AOPEP: variants seen among roughly 807,000 people sequenced by gnomAD.
The protein encoded by AOPEP is aminopeptidase O.
AOPEP carries 77 observed loss-of-function variants against 98.1 expected under a neutral mutation model. The observed-to-expected ratio is 0.78, with a 90% CI of 0.65 to 0.95. The LOEUF (loss-of-function observed/expected upper bound fraction) is 0.95, where lower values mean the gene tolerates loss of function less well. AOPEP is among the 40% of genes least tolerant of loss of function. The probability of loss-of-function intolerance (pLI) is 0.00; values close to 1 mark genes in which losing one functional copy is unlikely to be tolerated. For missense variants in AOPEP, 1,024 were observed against 1,024.7 expected (o/e 1.00, Z 0.01); for synonymous variants, 346 against 365.3 (o/e 0.95, Z 0.60).
At chr9:95,088,723 C>CT (rs1300855277), downstream of AOPEP, among the ~76,000 whole-genome samples, 7 of 152,214 alleles carry the variant, frequency 4.6e-5, no homozygotes, top group Admixed American at 1.3e-4. Context: ...GAAAGCCATG[C>CT]TTTATCTTCT....
chr9:95,080,471 G>A (rs1390841381), intron 14 of AOPEP, among the ~76,000 whole-genome samples: 2 of 152,272 alleles, frequency 1.3e-5, no homozygotes, highest in African/African-American at 4.8e-5. Context: ...GAGCCAGATC[G>A]TGCCACTGCA....
At chr9:94,873,118 A>G (rs547635355) in intron 5 of AOPEP, among the ~76,000 whole-genome samples, 4 of 148,754 alleles carry the variant, frequency 2.7e-5, no homozygotes, top group South Asian at 2.1e-4. Context: ...ATATGAGGGG[A>G]AAAAAAACAG....
the AOPEP span, among the ~76,000 whole-genome samples, chr9:95,134,239 C>A: frequency 1.3e-5 from 2 of 152,124 alleles, no homozygotes; most frequent in Admixed American, 6.5e-5. Flanking sequence ...TTAGGATTCC[C>A]TTAGACAGTC....
intron 3 of AOPEP, among the ~76,000 whole-genome samples, chr9:94,774,113 C>A (rs1395640813): frequency 6.6e-6 from 1 of 151,824 alleles, no homozygotes; most frequent in Non-Finnish European, 1.5e-5. Context: ...TCCTTTGAGA[C>A]CATCCTGGCT....
At chr9:95,140,937 G>A in the AOPEP span, among the ~76,000 whole-genome samples, 4 of 152,126 alleles carry the variant, frequency 2.6e-5, no homozygotes, top group East Asian at 3.9e-4. Context: ...GCAATTACAC[G>A]TCAATATAAG....
intron 13 of AOPEP, among the ~76,000 whole-genome samples, chr9:95,025,025 A>G (rs1476717008): frequency 1.3e-5 from 2 of 152,230 alleles, no homozygotes; most frequent in South Asian, 2.1e-4. Context: ...GTGATTTAGT[A>G]CCATCATATA....
At chr9:95,034,698 G>T (rs993911655) in intron 13 of AOPEP, among the ~76,000 whole-genome samples, 3 of 152,164 alleles carry the variant, frequency 2.0e-5, no homozygotes, top group Non-Finnish European at 4.4e-5. Flanking sequence ...GTTTTTAATA[G>T]GGAAAGGTTG....
intron 7 of AOPEP, chr9:94,934,418 G>A (rs1043338068): frequency 6.6e-6 from 1 of 150,860 alleles, no homozygotes; most frequent in African/African-American, 2.5e-5. Context: ...TGGAGCTCAG[G>A]TGATCCTGCC....
At chr9:94,796,617 C>G (rs1237157709) in intron 4 of AOPEP, among the ~76,000 whole-genome samples, 2 of 152,208 alleles carry the variant, frequency 1.3e-5, no homozygotes, top group Non-Finnish European at 2.9e-5. Flanking sequence ...GCCTAAAGTG[C>G]TCATCTGGGT....
chr9:94,792,245 A>G (rs1845887336), intron 3 of AOPEP, among the ~76,000 whole-genome samples: 1 of 152,248 alleles, frequency 6.6e-6, no homozygotes, highest in Non-Finnish European at 1.5e-5. Context: ...CAGAGTTGGG[A>G]TGAAAACCCA....
chr9:94,756,393 G>A (rs1340807540), intron 1 of AOPEP, among the ~76,000 whole-genome samples: 7 of 151,310 alleles, frequency 4.6e-5, no homozygotes, highest in Admixed American at 2.6e-4. Context: ...GCAAGACCTC[G>A]TCTCTACAAA....
intron 2 of AOPEP, among the ~76,000 whole-genome samples, chr9:94,768,231 G>A (rs1204657304): frequency 6.6e-6 from 1 of 152,058 alleles, no homozygotes; most frequent in Non-Finnish European, 1.5e-5. Context: ...GGCCACTGTG[G>A]GCTCATTACC....
chr9:95,067,698 A>G (rs1433106506), intron 14 of AOPEP, among the ~76,000 whole-genome samples: 1 of 152,194 alleles, frequency 6.6e-6, no homozygotes, highest in Non-Finnish European at 1.5e-5. Context: ...TTGAGCTATA[A>G]TTCACATACC....
chr9:95,090,457 G>A (rs1038377374), downstream of AOPEP, among the ~76,000 whole-genome samples: 1 of 152,190 alleles, frequency 6.6e-6, no homozygotes, highest in Admixed American at 6.5e-5. Context: ...CACAGGCTGC[G>A]CCAACCTGTG....
chr9:95,149,726 G>A, the AOPEP span, among the ~76,000 whole-genome samples: 1,570 of 152,176 alleles, frequency 0.01, 25 homozygotes, highest in African/African-American at 0.035. Flanking sequence ...TGATCCACCC[G>A]CCTTGGCCTC....
chr9:95,105,865 G>A, the AOPEP span, among the ~76,000 whole-genome samples: 2 of 152,212 alleles, frequency 1.3e-5, no homozygotes, highest in African/African-American at 4.8e-5. Context: ...ACGGTGCATT[G>A]CTTGTCCCTC....
intron 5 of AOPEP, among the ~76,000 whole-genome samples, chr9:94,884,060 G>C (rs945981688): frequency 2.6e-5 from 4 of 152,178 alleles, no homozygotes; most frequent in African/African-American, 9.7e-5. Context: ...TGCTTCATGC[G>C]CACCTGCCTT....
chr9:94,961,454 T>TA (rs1250928771), intron 9 of AOPEP, among the ~76,000 whole-genome samples: 1 of 152,252 alleles, frequency 6.6e-6, no homozygotes, highest in African/African-American at 2.4e-5. Context: ...CCTTGTCCTC[T>TA]ATACCTGTTA....
At chr9:94,754,280 CACTG>C (rs928350400) in intron 1 of AOPEP, among the ~76,000 whole-genome samples, 1 of 152,182 alleles carries the variant, frequency 6.6e-6, no homozygotes, top group African/African-American at 2.4e-5. Flanking sequence ...TCAGCAAATA[CACTG>C]ACTGTTATTA....
Sources: allele counts gnomAD v4.1 joint callset (sites outside exome capture counted in the v4.1 genomes callset), GRCh38; gene constraint gnomAD v4.1.1; transcripts MANE v1.5; gene names NCBI Gene and HGNC (gene_info 2026-07-23, HGNC 2026-07-21).